KCNH5: variants seen among roughly 807,000 people sequenced by gnomAD.
KCNH5 encodes the protein voltage-gated delayed rectifier potassium channel KCNH5.
KCNH5 carries 46 observed loss-of-function variants against 96.1 expected under a neutral mutation model. The observed-to-expected ratio is 0.48, with a 90% CI of 0.38 to 0.61. The LOEUF is 0.61. KCNH5 is among the 20% of genes least tolerant of loss of function. The probability of loss-of-function intolerance (pLI) is 0.00; values close to 1 mark genes in which losing one functional copy is unlikely to be tolerated. For missense variants in KCNH5, 907 were observed against 1,225.8 expected, an observed-to-expected ratio of 0.74 and a Z score of 3.88; for synonymous variants, 439 against 449.8, an observed-to-expected ratio of 0.98 and a Z score of 0.30.
chr14:62,815,580 TAC>T (rs2140011743), intron 8 of KCNH5, among the ~76,000 whole-genome samples: 1 of 152,218 alleles, frequency 6.6e-6, no homozygotes, highest in South Asian at 2.1e-4. Context: ...TACATATATA[TAC>T]ACAAAACATC....
chr14:63,000,845 G>T (rs1395482337), intron 4 of KCNH5, among the ~76,000 whole-genome samples: 1 of 152,158 alleles, frequency 6.6e-6, no homozygotes, highest in Non-Finnish European at 1.5e-5. Flanking sequence ...AGGCCAAGGG[G>T]GGTCAGATAA....
intron 6 of KCNH5, among the ~76,000 whole-genome samples, chr14:62,960,949 T>C (rs1206585197): frequency 6.6e-6 from 1 of 152,176 alleles, no homozygotes; most frequent in African/African-American, 2.4e-5. Context: ...TAGGCACTTA[T>C]TTTCAGCAAT....
chr14:62,828,035 G>T (rs900206501), intron 8 of KCNH5, among the ~76,000 whole-genome samples: 5 of 151,984 alleles, frequency 3.3e-5, no homozygotes, highest in African/African-American at 9.7e-5. Flanking sequence ...GAGACAAAAT[G>T]TGGGCACCTT....
chr14:62,872,592 T>C (rs1888278992), intron 7 of KCNH5, among the ~76,000 whole-genome samples: 1 of 151,716 alleles, frequency 6.6e-6, no homozygotes, highest in Non-Finnish European at 1.5e-5. Context: ...ACTTGGGAGG[T>C]TGAGGCAGGA....
At position 62,916,912 on chromosome 14, in the gene KCNH5, C is replaced by A. The variant is rs533910494; in HGVS notation, c.1369+33221G>T. On this transcript the variant is annotated intron_variant, in intron 7 of 10. Coordinates refer to ENST00000322893, the MANE Select transcript of KCNH5 (RefSeq NM_139318.5). ...AAAATAGCAGAGCCCACATTGTATA[C>A]CAAGGCAATTTTTTAACAACTTGAT... is the stretch of plus-strand genomic sequence containing the variant. Among the ~76,000 whole-genome samples, 15 of 152,258 alleles carry A rather than the reference C, an allele frequency of 9.9e-5. No individual in the cohort carries two copies. The South Asian group carries it at 3.1e-3, about 32-fold the overall frequency.
At chr14:62,748,203 A>T (rs1595604950) in intron 10 of KCNH5, among the ~76,000 whole-genome samples, 1 of 152,192 alleles carries the variant, frequency 6.6e-6, no homozygotes, top group African/African-American at 2.4e-5. Context: ...TCCTGAAAGT[A>T]AAAGGAGGCA....
rs372088477 is a variant in KCNH5, at chr14:62,708,400, T to C, written c.2075A>G (p.Gln692Arg). Reference sequence around the variant, plus strand: ...AATGCTGAGGGTCACCTCATTCTTCTGCCGGAGGCGCTCCTCCTCCTCTTT... The same window carrying C: ...AATGCTGAGGGTCACCTCATTCTTCCGCCGGAGGCGCTCCTCCTCCTCTTT... ...VKKEEEERLR[Q>R]KNEVTLSIPV... The change falls in exon 11 of 11, where the codon CAG becomes CGG. Residue 692 changes from glutamine to arginine, a missense_variant. Physicochemically the swap from Gln to Arg is conservative, Grantham distance 43 (BLOSUM62 1). Coordinates refer to ENST00000322893, the MANE Select transcript of KCNH5 (RefSeq NM_139318.5). 1.2e-5 allele frequency: 19 copies of C among 1,611,350 alleles called. No homozygotes were observed. The highest frequency in any genetic ancestry group is 1.6e-5 in the Non-Finnish European group (19 of 1,179,564).
chr14:62,886,735 C>T (rs986751036), intron 7 of KCNH5, among the ~76,000 whole-genome samples: 10 of 152,112 alleles, frequency 6.6e-5, no homozygotes, highest in African/African-American at 1.9e-4. Context: ...GCTGGATGTG[C>T]CTTTCCTTTC....
chr14:62,997,049 T>G (rs1032530729), intron 4 of KCNH5, among the ~76,000 whole-genome samples: 28 of 152,224 alleles, frequency 1.8e-4, no homozygotes, highest in African/African-American at 6.5e-4. Context: ...ATTTTTAATT[T>G]TTGTGGGTAC....
At chr14:62,844,078 T>C (rs1887643570) in intron 8 of KCNH5, among the ~76,000 whole-genome samples, 1 of 152,200 alleles carries the variant, frequency 6.6e-6, no homozygotes, top group African/African-American at 2.4e-5. Context: ...TTGTTTAAAT[T>C]CTAAAGGCAT....
chr14:62,886,075 G>A (rs1888589493), intron 7 of KCNH5, among the ~76,000 whole-genome samples: 1 of 151,490 alleles, frequency 6.6e-6, no homozygotes, highest in East Asian at 1.9e-4. Context: ...AGTCATGTTT[G>A]TTCATGCTGA....
intron 7 of KCNH5, among the ~76,000 whole-genome samples, chr14:62,861,086 A>G (rs1288267205): frequency 6.6e-6 from 1 of 152,194 alleles, no homozygotes; most frequent in Non-Finnish European, 1.5e-5. Context: ...ACTTCAGCTG[A>G]ATACAAATGA....
At chr14:62,774,130 A>G (rs975263463) in intron 10 of KCNH5, among the ~76,000 whole-genome samples, 1 of 152,212 alleles carries the variant, frequency 6.6e-6, no homozygotes, top group African/African-American at 2.4e-5. Flanking sequence ...GGGCATGGGC[A>G]AAGTCTGGGG....
intron 7 of KCNH5, among the ~76,000 whole-genome samples, chr14:62,851,510 A>T (rs1313049065): frequency 2.2e-5 from 3 of 138,750 alleles, no homozygotes; most frequent in Non-Finnish European, 4.8e-5. Flanking sequence ...AAAAAAAAAA[A>T]AAAAACCTAA....
chr14:62,844,764 A>AT (rs1445914159), intron 8 of KCNH5, among the ~76,000 whole-genome samples: 2 of 152,212 alleles, frequency 1.3e-5, no homozygotes, highest in Non-Finnish European at 2.9e-5. Context: ...ATCAGTACAG[A>AT]TTTTAATGCC....
At chr14:62,751,435 A>G (rs953747101) in intron 10 of KCNH5, among the ~76,000 whole-genome samples, 4 of 152,158 alleles carry the variant, frequency 2.6e-5, no homozygotes, top group African/African-American at 4.8e-5. Context: ...TAGTTGTCCA[A>G]TGGGAGCTGT....
At chr14:62,903,876 A>C (rs1425054434) in intron 7 of KCNH5, among the ~76,000 whole-genome samples, 1 of 151,978 alleles carries the variant, frequency 6.6e-6, no homozygotes, top group African/African-American at 2.4e-5. Context: ...AAGTAGATCT[A>C]ATATTATAAT....
chr14:62,904,936 C>T (rs900661835), intron 7 of KCNH5, among the ~76,000 whole-genome samples: 7 of 152,168 alleles, frequency 4.6e-5, no homozygotes, highest in Non-Finnish European at 8.8e-5. Flanking sequence ...GAACTAACCT[C>T]GGAGATTACA....
chr14:62,927,029 A>T (rs1472755107), intron 7 of KCNH5, among the ~76,000 whole-genome samples: 2 of 152,136 alleles, frequency 1.3e-5, no homozygotes, highest in African/African-American at 4.8e-5. Context: ...CAAACATTTA[A>T]AAAGAAAACA....
Sources: allele counts gnomAD v4.1 joint callset (sites outside exome capture counted in the v4.1 genomes callset), GRCh38; gene constraint gnomAD v4.1.1; transcripts MANE v1.5; gene names NCBI Gene and HGNC (gene_info 2026-07-23, HGNC 2026-07-21).